EFHB: variants seen among roughly 807,000 people sequenced by gnomAD.
EFHB encodes the protein EF-hand domain family member B, also known as EF-hand domain-containing family member B.
A neutral mutation model predicts 87.2 loss-of-function variants in EFHB; 91 were observed. That is an observed-to-expected ratio of 1.04 (90% CI 0.88 to 1.24). EFHB has a LOEUF of 1.24. EFHB is among the 50% of genes most tolerant of loss of function. The probability of loss-of-function intolerance (pLI) is 0.00; values close to 1 mark genes in which losing one functional copy is unlikely to be tolerated. For missense variants in EFHB, 1,084 were observed against 998.8 expected (o/e 1.09, Z -1.15); for synonymous variants, 325 against 333.6 (o/e 0.97, Z 0.28).
intron 12 of EFHB, among the ~76,000 whole-genome samples, chr3:19,880,266 T>C (rs868822898): frequency 3.2e-5 from 3 of 93,020 alleles, no homozygotes; most frequent in Non-Finnish European, 7.1e-5. Context: ...TTATTTATTT[T>C]TGAGACAGAG....
At chr3:19,943,861 G>A (rs1422383273) in intron 1 of EFHB, among the ~76,000 whole-genome samples, 3 of 152,164 alleles carry the variant, frequency 2.0e-5, no homozygotes, top group South Asian at 2.1e-4. Flanking sequence ...GGAACGATGC[G>A]TAATATCATA....
At chr3:19,882,014 CAAAAATAAATAA>C (rs1261241369) in intron 12 of EFHB, among the ~76,000 whole-genome samples, 12 of 114,348 alleles carry the variant, frequency 1.0e-4, no homozygotes, top group African/African-American at 3.5e-4. Flanking sequence ...TTTTCTGAGT[CAAAAATAAATAA>C]ATAAATAAAT....
chr3:19,889,450 CAG>C (rs1336798709), intron 9 of EFHB, among the ~76,000 whole-genome samples: 1 of 152,174 alleles, frequency 6.6e-6, no homozygotes, highest in African/African-American at 2.4e-5. Flanking sequence ...TTGGCCCCCT[CAG>C]AGAGACTTCC....
At chr3:19,940,984 G>A in intron 1 of EFHB, 1 of 308,702 alleles carries the variant, frequency 3.2e-6, no homozygotes, top group East Asian at 8.1e-5. Flanking sequence ...ACCATGGGAA[G>A]GAAGAATGAC....
intron 12 of EFHB, among the ~76,000 whole-genome samples, chr3:19,882,320 G>A (rs1574986332): frequency 6.6e-6 from 1 of 152,002 alleles, no homozygotes; most frequent in Non-Finnish European, 1.5e-5. Context: ...TCTTCTTTAC[G>A]TGGACCATAT....
intron 3 of EFHB, 70 bp from the exon 4 acceptor site, chr3:19,918,482 C>A: frequency 7.2e-7 from 1 of 1,385,708 alleles, no homozygotes; most frequent in South Asian, 1.5e-5. Flanking sequence ...AAACCCTAAT[C>A]AATAGCTGGG....
At chr3:19,934,911 G>T (rs543249911), upstream of EFHB, among the ~76,000 whole-genome samples, 60 of 110,798 alleles carry the variant, frequency 5.4e-4, no homozygotes, top group Admixed American at 9.6e-4. Flanking sequence ...CACATTTAAA[G>T]TAATTTTTTT....
chr3:19,907,222 A>G (rs531301563), intron 5 of EFHB, among the ~76,000 whole-genome samples: 1 of 152,338 alleles, frequency 6.6e-6, no homozygotes, highest in African/African-American at 2.4e-5. Flanking sequence ...TGCATAGCAA[A>G]GGAAACAATC....
intron 5 of EFHB, among the ~76,000 whole-genome samples, chr3:19,908,234 T>C (rs918387027): frequency 6.6e-6 from 1 of 152,042 alleles, no homozygotes; most frequent in Non-Finnish European, 1.5e-5. Flanking sequence ...AAGAAAAACA[T>C]CTATGAACAT....
intron 5 of EFHB, among the ~76,000 whole-genome samples, chr3:19,910,605 C>A (rs78810886): frequency 1.3e-5 from 2 of 152,118 alleles, no homozygotes; most frequent in African/African-American, 4.8e-5. Context: ...CTTGAGTGAA[C>A]GTAGGCTGCA....
chr3:19,901,648 A>C lies in EFHB; in HGVS notation c.1419-2133T>G, dbSNP rs546558281. 2.5e-4 allele frequency among the ~76,000 whole-genome samples: 38 copies of C among 152,274 alleles called. 1 individual carries two copies. The South Asian group carries it at 6.2e-3, about 25-fold the overall frequency. On this transcript the variant is annotated intron_variant, in intron 6 of 12. Transcript: ENST00000295824. ...TATAACTTGAACAAACAGAGTTAAC[A>C]ATCTAAAAATCAGCTCCAGGCCAGG...
chr3:19,901,348 T>C (rs1694663755), intron 6 of EFHB, among the ~76,000 whole-genome samples: 1 of 152,246 alleles, frequency 6.6e-6, no homozygotes, highest in South Asian at 2.1e-4. Flanking sequence ...ATTACAACAC[T>C]ACTATTTAAT....
rs760989439 is a variant in EFHB, at chr3:19,899,496, C to G, written c.1438G>C (p.Val480Leu). ...ELQMKRGAKF[V>L]SKRADDFKEK... ...TTGAAATCATCTGCTCTTTTGGATA[C>G]AAACTTAGCTCCTCTTTTCCTGCAA... Residue 480 changes from valine (V) to leucine (L), a missense_variant, in exon 7 of 13, where the codon GTA (valine) becomes CTA (leucine). Transcript: ENST00000295824. 1 of 1,603,522 alleles carries G rather than the reference C, an allele frequency of 6.2e-7. No individual in the cohort carries two copies. The highest frequency in any genetic ancestry group is 8.5e-7 in the Non-Finnish European group (1 of 1,176,206).
chr3:19,943,112 C>A lies in EFHB; in HGVS notation c.-32+3807G>T, dbSNP rs1696197269. 1.2e-5 allele frequency: 3 copies of A among 247,586 alleles called. No individual in the cohort carries two copies. In the South Asian group the frequency reaches 1.9e-4, roughly 16 times the overall value. 15.3% of individuals were successfully genotyped at this position (247,586 alleles called of 1,614,324 possible). On this transcript the variant is annotated intron_variant, in intron 1 of 14. Transcript: ENST00000344838. Reference sequence around the variant, plus strand: ...TCCAATCAGCAATCAGATTTGGCATCAAAAACTGTGTTCATGGGGTTCATT... The same window carrying A: ...TCCAATCAGCAATCAGATTTGGCATAAAAAACTGTGTTCATGGGGTTCATT...
chr3:19,925,030 G>A (rs2125157946), intron 1 of EFHB, among the ~76,000 whole-genome samples: 1 of 152,040 alleles, frequency 6.6e-6, no homozygotes, highest in African/African-American at 2.4e-5. Flanking sequence ...CGGATCACGA[G>A]GTCAGGAGAT....
intron 5 of EFHB, among the ~76,000 whole-genome samples, chr3:19,908,590 G>GAAAGAA (rs1244772767): frequency 2.6e-3 from 294 of 111,072 alleles, no homozygotes; most frequent in Middle Eastern, 4.0e-3. Flanking sequence ...GAGAGAGAGA[G>GAAAGAA]AGAGAGAGAG....
At chr3:19,944,463 T>C (rs4610240) in intron 1 of EFHB, among the ~76,000 whole-genome samples, 26,238 of 152,188 alleles carry the variant, frequency 0.17, 2,213 homozygotes, top group South Asian at 0.21. Context: ...TATACAATTA[T>C]CAGTCCTCCT....
intron 1 of EFHB, among the ~76,000 whole-genome samples, chr3:19,932,272 A>C (rs1388196254): frequency 6.6e-6 from 1 of 152,192 alleles, no homozygotes; most frequent in Non-Finnish European, 1.5e-5. Context: ...TCCCCCTTCC[A>C]GTCCATCATA....
In EFHB at chr3:19,933,186, G is replaced by C. The variant is rs1411778509; in HGVS notation, c.789+44C>G. ...ACTTTATCATCTCAATAAAGACATG[G>C]CTATACACAGTTTAGTTCCTATGGA... On this transcript the variant is annotated intron_variant, in intron 1 of 12. Coordinates refer to ENST00000295824, the MANE Select transcript of EFHB (RefSeq NM_144715.4). 9.6e-6 allele frequency: 15 copies of C among 1,560,940 alleles called. No homozygotes were observed. In the Admixed American group the frequency reaches 2.9e-4, roughly 30 times the overall value.
Sources: allele counts gnomAD v4.1 joint callset (sites outside exome capture counted in the v4.1 genomes callset), GRCh38; gene constraint gnomAD v4.1.1; transcripts MANE v1.5; gene names NCBI Gene and HGNC (gene_info 2026-07-23, HGNC 2026-07-21).